The following SYNE2 variants were observed in gnomAD, a reference collection of about 807,000 sequenced individuals.
SYNE2 encodes the protein nesprin-2.
In SYNE2, 431 loss-of-function variants were observed where a neutral mutation model predicts 856.3. The observed-to-expected ratio is 0.50, with a 90% CI of 0.47 to 0.55. The LOEUF (loss-of-function observed/expected upper bound fraction) is 0.55. Among genes scored for constraint, SYNE2 ranks in the 20% least tolerant of loss-of-function variants. The pLI is 0.00. For missense variants in SYNE2, 8,129 were observed against 8,023.2 expected, an observed-to-expected ratio of 1.01 and a Z score of -0.50; for synonymous variants, 2,923 against 2,872.3, an observed-to-expected ratio of 1.02 and a Z score of -0.56.
At chr14:64,118,735 C>T (rs761692344) in intron 66 of SYNE2, among the ~76,000 whole-genome samples, 19 of 151,908 alleles carry the variant, frequency 1.3e-4, no homozygotes, top group Non-Finnish European at 2.2e-4. Flanking sequence ...GTGGCGCACT[C>T]TTGTAATCCC....
At chr14:64,177,513 A>G (rs758610967) in intron 96 of SYNE2, 30 bp downstream of exon 96, 2 of 1,614,122 alleles carry the variant, frequency 1.2e-6, no homozygotes, top group South Asian at 1.1e-5. Flanking sequence ...TGGCCAAGAT[A>G]ATCACTTAGC....
rs1169283308 is a variant in SYNE2 at position 64,167,217 on chromosome 14, A to G, written c.16606-16A>G. ...ATTGGCATCCAAAAACCTGTACTTC[A>G]ATTTTTTAAAAATAGAATCATGTGC... On this transcript the variant is annotated splice_polypyrimidine_tract_variant and intron_variant, in intron 90 of 115. Transcript: ENST00000555002. The G allele has an allele frequency of 6.2e-7, 1 of 1,613,890 alleles. No homozygotes were observed. The highest frequency in any genetic ancestry group is 8.5e-7 in the Non-Finnish European group (1 of 1,180,034).
rs778159399 is a variant in SYNE2, at chr14:64,098,828, G to GA, written c.12381+10dup. ...AAGTTCCGTGAAGAGCGATGTAAGG[G>GA]AAATGATTTTCTTGTTAAAGTTTGT... On this transcript the variant is annotated splice_region_variant and intron_variant, in intron 63 of 115. Transcript: ENST00000555002. 1 of 1,613,732 alleles carries GA rather than the reference G, an allele frequency of 6.2e-7. No individual in the cohort carries two copies. The highest frequency in any genetic ancestry group is 1.1e-5 in the South Asian group (1 of 90,944).
chr14:63,791,900 C>T (rs1021585114), intron 1 of SYNE2, among the ~76,000 whole-genome samples: 1 of 146,796 alleles, frequency 6.8e-6, no homozygotes, highest in Non-Finnish European at 1.5e-5. Flanking sequence ...AGTGAGATCG[C>T]GCCACCGCAC....
chr14:64,159,491 C>T (rs200542508), intron 87 of SYNE2, 49 bp downstream of exon 87: 348 of 1,602,012 alleles, frequency 2.2e-4, no homozygotes, highest in Non-Finnish European at 2.3e-4. Context: ...ATCTTAATGA[C>T]TTGTGAAGAA....
chr14:63,841,818 T>G (rs932913198), intron 1 of SYNE2, among the ~76,000 whole-genome samples: 1 of 119,036 alleles, frequency 8.4e-6, no homozygotes, highest in Non-Finnish European at 1.9e-5. Context: ...ATTTTTCTTT[T>G]TCTTTCTTTC....
At chr14:64,016,167 T>C (rs939439443) in intron 32 of SYNE2, among the ~76,000 whole-genome samples, 1 of 152,102 alleles carries the variant, frequency 6.6e-6, no homozygotes, top group African/African-American at 2.4e-5. Flanking sequence ...AGATGCTTTT[T>C]TTGGCAGATA....
chr14:64,210,261 C>T lies in SYNE2; in HGVS notation c.18723+137C>T, dbSNP rs1328421733. 5 of 1,152,710 alleles carry T rather than the reference C, an allele frequency of 4.3e-6. No individual in the cohort carries two copies. In the African/African-American group the frequency reaches 4.7e-5, roughly 11 times the overall value. 71.4% of individuals were successfully genotyped at this position (1,152,710 alleles called of 1,614,324 possible). ...CTGAGCTGTTTTAACAGTCCTCCAA[C>T]ACAAAGAAGCCCAAAGCTGCCAACG... On this transcript the variant is annotated intron_variant, in intron 103 of 115. Transcript: ENST00000555002.
intron 37 of SYNE2, 21 bp from the exon 38 acceptor site, chr14:64,022,730 G>C (rs1446990931): frequency 1.6e-6 from 2 of 1,282,100 alleles, no homozygotes; most frequent in Non-Finnish European, 2.3e-6. Flanking sequence ...AATGAATAGA[G>C]CTTTTTTTTT....
At chr14:64,022,066 CTT>C in intron 37 of SYNE2, 38 bp downstream of exon 37, 5 of 1,596,132 alleles carry the variant, frequency 3.1e-6, no homozygotes, top group Non-Finnish European at 4.3e-6. Context: ...TTCTGGGACT[CTT>C]GAAGTATGAA....
chr14:63,930,657 C>T (rs1282961663), intron 2 of SYNE2, among the ~76,000 whole-genome samples: 1 of 151,934 alleles, frequency 6.6e-6, no homozygotes, highest in Non-Finnish European at 1.5e-5. Flanking sequence ...TCTTCAGCCT[C>T]CCAAGTAGCT....
chr14:64,037,773 C>T (rs1462140576), intron 45 of SYNE2, among the ~76,000 whole-genome samples: 1 of 128,082 alleles, frequency 7.8e-6, no homozygotes, highest in African/African-American at 2.8e-5. Context: ...GGGCCTCTCA[C>T]TTCCCAGTAG....
At chr14:63,967,419 A>C (rs1269417892) in intron 10 of SYNE2, among the ~76,000 whole-genome samples, 1 of 152,146 alleles carries the variant, frequency 6.6e-6, no homozygotes, top group African/African-American at 2.4e-5. Flanking sequence ...CATATTTTCC[A>C]TGTAGCATCA....
chr14:63,997,238 A>AT (rs1213723560), intron 24 of SYNE2, 63 bp from the exon 25 acceptor site: 12 of 1,584,520 alleles, frequency 7.6e-6, no homozygotes, highest in Non-Finnish European at 1.0e-5. Context: ...AGCGTTAGTC[A>AT]TGCTTGTTTA....
intron 1 of SYNE2, among the ~76,000 whole-genome samples, chr14:63,795,634 G>C (rs970898705): frequency 1.3e-5 from 2 of 152,130 alleles, no homozygotes; most frequent in African/African-American, 4.8e-5. Flanking sequence ...TACAAAGTAA[G>C]TAATCCTCTC....
intron 1 of SYNE2, among the ~76,000 whole-genome samples, chr14:63,781,664 C>CTATA (rs1887315620): frequency 9.0e-6 from 1 of 111,580 alleles, no homozygotes; most frequent in South Asian, 3.6e-4. Flanking sequence ...GGCCTTCTCT[C>CTATA]TCTCTATATA....
intron 1 of SYNE2, among the ~76,000 whole-genome samples, chr14:63,793,036 G>A (rs1049596955): frequency 6.6e-6 from 1 of 152,030 alleles, no homozygotes; most frequent in Admixed American, 6.6e-5. Context: ...TTTTTTTAAA[G>A]CTATATTATT....
At chr14:64,075,307 TCCTTTATAATTACTG>T (rs1413606369) in intron 53 of SYNE2, among the ~76,000 whole-genome samples, 2 of 152,242 alleles carry the variant, frequency 1.3e-5, no homozygotes, top group Non-Finnish European at 2.9e-5. Flanking sequence ...AATGAGTTTC[TCCTTTATAATTACTG>T]CAGGAGAAGG....
chr14:63,963,339 T>G (rs576028903), intron 9 of SYNE2, among the ~76,000 whole-genome samples: 126 of 152,356 alleles, frequency 8.3e-4, no homozygotes, highest in African/African-American at 3.0e-3. Context: ...AAATGAAGGT[T>G]AAGGAAGAGT....
Sources: allele counts gnomAD v4.1 joint callset (sites outside exome capture counted in the v4.1 genomes callset), GRCh38; gene constraint gnomAD v4.1.1; transcripts MANE v1.5; gene names NCBI Gene and HGNC (gene_info 2026-07-23, HGNC 2026-07-21).